IL1RAPL2: variants seen among roughly 807,000 people sequenced by gnomAD.
IL1RAPL2 encodes the protein interleukin 1 receptor accessory protein like 2, also known as X-linked interleukin-1 receptor accessory protein-like 2.
IL1RAPL2 carries 3 observed loss-of-function variants against 44.1 expected under a neutral mutation model. The observed-to-expected ratio is 0.07, with a 90% CI of 0.03 to 0.18. IL1RAPL2 has a LOEUF of 0.18. IL1RAPL2 is among the 10% of genes least tolerant of loss of function. IL1RAPL2 has a pLI of 1.00. For missense variants in IL1RAPL2, 391 were observed against 496.4 expected (o/e 0.79, Z 2.02); for synonymous variants, 181 against 178.8 (o/e 1.01, Z -0.10).
At chrX:105,590,408 T>G (rs1188251331) in intron 6 of IL1RAPL2, among the ~76,000 whole-genome samples, 1 of 111,120 alleles carries the variant, frequency 9.0e-6, no homozygotes, top group African/African-American at 3.3e-5. Flanking sequence ...AGTACTATAT[T>G]GAATATGAGT....
At chrX:105,401,593 G>A (rs185024385) in intron 5 of IL1RAPL2, among the ~76,000 whole-genome samples, 29 of 110,492 alleles carry the variant, frequency 2.6e-4, no homozygotes, top group Admixed American at 6.8e-4. Flanking sequence ...CTTCCAACTG[G>A]GAGGCAGTCC....
intron 6 of IL1RAPL2, among the ~76,000 whole-genome samples, chrX:105,665,033 A>G (rs994940171): frequency 2.7e-5 from 3 of 112,381 alleles, no homozygotes; most frequent in Non-Finnish European, 5.6e-5. Flanking sequence ...AATACAGTAT[A>G]TAATGCATGT....
At chrX:104,929,124 C>G (rs186073238) in intron 2 of IL1RAPL2, among the ~76,000 whole-genome samples, 1 of 111,497 alleles carries the variant, frequency 9.0e-6, no homozygotes, top group Admixed American at 9.6e-5. Flanking sequence ...CCTTGTTCCT[C>G]TGACCCCTTA....
In IL1RAPL2 at chrX:105,347,556, CCATCATCATCATCATCATCAT is replaced by C. The variant is rs35941963; in HGVS notation, c.697+80042_697+80062del. Among the ~76,000 whole-genome samples, 14 of 100,524 alleles carry C rather than the reference CCATCATCATCATCATCATCAT, an allele frequency of 1.4e-4. No individual in the cohort carries two copies. The South Asian group carries it at 3.3e-3, about 24-fold the overall frequency. 87.3% of individuals were successfully genotyped at this position (100,524 alleles called of 115,157 possible). ...TCCTCCCGCTCTTCCCTCTCTTCCTCCATCATCATCATCATCATCATCATCATCATCATCATCATCATCATC... is the reference window on the plus strand; with the variant it reads ...TCCTCCCGCTCTTCCCTCTCTTCCTCCATCATCATCATCATCATCATCATC... On this transcript the variant is annotated intron_variant, in intron 5 of 10. Coordinates refer to ENST00000372582, the MANE Select transcript of IL1RAPL2 (RefSeq NM_017416.2).
chrX:105,109,963 A>G (rs1425395644), intron 2 of IL1RAPL2, among the ~76,000 whole-genome samples: 1 of 112,075 alleles, frequency 8.9e-6, no homozygotes, highest in African/African-American at 3.2e-5. Context: ...AAGAGAAAAC[A>G]TGGGTCCTAA....
At chrX:105,461,642 T>C (rs2036093570) in intron 5 of IL1RAPL2, among the ~76,000 whole-genome samples, 1 of 111,694 alleles carries the variant, frequency 9.0e-6, no homozygotes, top group South Asian at 3.7e-4. Flanking sequence ...TTTTAAAAAA[T>C]CACTGATCCT....
chrX:105,504,561 C>G (rs1021047545), intron 6 of IL1RAPL2, among the ~76,000 whole-genome samples: 1 of 110,718 alleles, frequency 9.0e-6, no homozygotes, highest in African/African-American at 3.3e-5. Flanking sequence ...TAACACAATA[C>G]CGAGGAGAGC....
chrX:105,597,104 A>G (rs1391363947), intron 6 of IL1RAPL2, among the ~76,000 whole-genome samples: 2 of 112,095 alleles, frequency 1.8e-5, no homozygotes, highest in African/African-American at 6.5e-5. Context: ...TATATTAGTA[A>G]CTAACACAAT....
In IL1RAPL2 at chrX:105,258,877, C is replaced by T. The variant is rs559618792; in HGVS notation, c.544-8511C>T. ...TTGGATTGGGTTTTTTCATCCTCCT[C>T]AATCTCAATGATCTTTGTTCCTATC... On this transcript the variant is annotated intron_variant, in intron 4 of 10. Transcript: ENST00000372582. Among the ~76,000 whole-genome samples, 17 of 111,860 alleles carry T rather than the reference C, an allele frequency of 1.5e-4. No homozygotes were observed. The South Asian group carries it at 6.4e-3, about 42-fold the overall frequency.
At chrX:105,030,387 T>G (rs982463730) in intron 2 of IL1RAPL2, among the ~76,000 whole-genome samples, 1 of 112,001 alleles carries the variant, frequency 8.9e-6, no homozygotes, top group South Asian at 3.7e-4. Context: ...AGGTCTAACA[T>G]GTAAGTCTTT....
intron 2 of IL1RAPL2, among the ~76,000 whole-genome samples, chrX:104,697,687 C>A (rs1370205687): frequency 9.0e-6 from 1 of 111,385 alleles, no homozygotes; most frequent in East Asian, 2.8e-4. Flanking sequence ...CCAGGTTAAC[C>A]AGGCAGTTTC....
chrX:104,650,132 G>A (rs1394085134), intron 1 of IL1RAPL2, among the ~76,000 whole-genome samples: 4 of 111,305 alleles, frequency 3.6e-5, no homozygotes, highest in Non-Finnish European at 5.7e-5. Flanking sequence ...TAGGGAATCA[G>A]TAAACACAAA....
At chrX:104,570,591 G>A (rs1270497625) in intron 1 of IL1RAPL2, among the ~76,000 whole-genome samples, 1 of 111,983 alleles carries the variant, frequency 8.9e-6, no homozygotes, top group Non-Finnish European at 1.9e-5. Context: ...TCTGGCCAAA[G>A]CTACCGCTAT....
At chrX:105,242,556 T>C (rs2034179988) in intron 4 of IL1RAPL2, among the ~76,000 whole-genome samples, 1 of 111,647 alleles carries the variant, frequency 9.0e-6, no homozygotes, top group East Asian at 2.8e-4. Flanking sequence ...TAAGCAATTG[T>C]TGACTAGGCA....
At chrX:105,215,197 A>G (rs1556163832) in intron 3 of IL1RAPL2, among the ~76,000 whole-genome samples, 1 of 112,199 alleles carries the variant, frequency 8.9e-6, no homozygotes, top group Non-Finnish European at 1.9e-5. Context: ...ACGATTAACA[A>G]AACAGATGGA....
chrX:105,591,366 T>C (rs1270281442), intron 6 of IL1RAPL2, among the ~76,000 whole-genome samples: 1 of 110,510 alleles, frequency 9.0e-6, no homozygotes, highest in East Asian at 2.9e-4. Flanking sequence ...TTGAAGAGCC[T>C]ACTTCTGGTG....
At chrX:105,388,314 A>T (rs1231015351) in intron 5 of IL1RAPL2, among the ~76,000 whole-genome samples, 1 of 103,307 alleles carries the variant, frequency 9.7e-6, no homozygotes, top group Non-Finnish European at 2.0e-5. Flanking sequence ...TAAGAAATAC[A>T]GCAAGATGTT....
At chrX:104,871,358 ATT>A (rs1048586664) in intron 2 of IL1RAPL2, among the ~76,000 whole-genome samples, 2 of 111,690 alleles carry the variant, frequency 1.8e-5, no homozygotes, top group African/African-American at 6.5e-5. Flanking sequence ...ATATTTTTCT[ATT>A]GTCACATGAT....
chrX:105,038,408 G>A (rs2031665785), intron 2 of IL1RAPL2, among the ~76,000 whole-genome samples: 2 of 111,495 alleles, frequency 1.8e-5, no homozygotes, highest in Non-Finnish European at 3.8e-5. Flanking sequence ...TTTCCTTTAT[G>A]TGTTCCTCTT....
Sources: gnomAD v4.1 joint callset for allele counts (sites outside exome capture counted in the v4.1 genomes callset) on GRCh38, gnomAD v4.1.1 for gene constraint, MANE v1.5 for transcripts, NCBI Gene and HGNC (gene_info 2026-07-23, HGNC 2026-07-21) for gene names.